TARS3: variants seen among roughly 807,000 people sequenced by gnomAD.
TARS3 encodes the protein threonine--tRNA ligase 2, cytoplasmic.
In TARS3, 94 loss-of-function variants were observed where a neutral mutation model predicts 103.5. That is an observed-to-expected ratio of 0.91 (90% CI 0.77 to 1.08). TARS3 has a LOEUF of 1.08. Ranked by LOEUF, TARS3 falls within the 50% of genes least tolerant of loss-of-function variation. TARS3 has a pLI of 0.00. For synonymous variants in TARS3, 416 were observed against 355.4 expected (o/e 1.17, Z -1.92); for missense variants, 952 against 995.2 (o/e 0.96, Z 0.58).
chr15:101,680,252 CCA>C (rs1311324565), intron 12 of TARS3, among the ~76,000 whole-genome samples: 2 of 152,188 alleles, frequency 1.3e-5, no homozygotes, highest in African/African-American at 4.8e-5. Context: ...ATATAAAGGG[CCA>C]CAGTTTTTTC....
chr15:101,706,067 G>A (rs1472443824), intron 6 of TARS3, among the ~76,000 whole-genome samples: 5 of 152,130 alleles, frequency 3.3e-5, no homozygotes, highest in East Asian at 1.9e-4. Flanking sequence ...TGGTTCAAGC[G>A]ATTCTGCCTC....
At position 101,724,444 on chromosome 15, in the gene TARS3, G is replaced by C; in HGVS notation, c.-57C>G. 2 of 1,354,334 alleles carry C rather than the reference G, an allele frequency of 1.5e-6. No individual in the cohort carries two copies. The highest frequency in any genetic ancestry group is 9.4e-7 in the Non-Finnish European group (1 of 1,060,726). The allele number at this position is 1,354,334 out of a possible 1,614,324, so 83.9% of individuals were successfully genotyped here. ...GGGTGCCCGCGACTGCGGCGAGGGC[G>C]ACGCGGACACTCAGCGCACGGCAGA... On this transcript the variant is annotated 5_prime_UTR_variant, in exon 1 of 19. Coordinates refer to ENST00000335968, the MANE Select transcript of TARS3 (RefSeq NM_152334.3).
chr15:101,704,644 G>A lies in TARS3; in HGVS notation c.996-707C>T, dbSNP rs1247706014. Among the ~76,000 whole-genome samples the A allele has an allele frequency of 2.9e-5, 4 of 136,236 alleles. No homozygotes were observed. The East Asian group carries it at 6.3e-4, about 21-fold the overall frequency. 89.4% of individuals were successfully genotyped at this position (136,236 alleles called of 152,430 possible). A position where few individuals can be genotyped will look rare whatever the true frequency, so the allele number is the denominator to read the frequency against. On this transcript the variant is annotated intron_variant, in intron 7 of 18. Coordinates refer to ENST00000335968, the MANE Select transcript of TARS3 (RefSeq NM_152334.3). ...CACTCCAGCCCGGGCAACAGTGCAA[G>A]ACTCCATCTCAAAAAATTAAAAAAA...
chr15:101,663,676 A>C (rs1308881967), intron 15 of TARS3, among the ~76,000 whole-genome samples: 1 of 152,112 alleles, frequency 6.6e-6, no homozygotes, highest in Non-Finnish European at 1.5e-5. Context: ...TTGCATTTTT[A>C]CCTTCCATTA....
chr15:101,664,956 A>G (rs1567324133), intron 15 of TARS3, among the ~76,000 whole-genome samples: 1 of 152,262 alleles, frequency 6.6e-6, no homozygotes, highest in Non-Finnish European at 1.5e-5. Flanking sequence ...AACTACAATC[A>G]CAGAAAGTTT....
rs751025366 is a variant in TARS3 at position 101,723,107 on chromosome 15, C to T, written c.355G>A (p.Glu119Lys). 3.1e-6 allele frequency: 5 copies of T among 1,614,126 alleles called. No individual in the cohort carries two copies. Among genetic ancestry groups the T allele is most frequent in the Middle Eastern group, 1.6e-4 (1 of 6,062 alleles). ...DMKKKKMKES[E>K]ADSEVKHQPI... The stretch of plus-strand genomic sequence containing the variant: ...CAACAACTTACCTCGCTGTCAGCCT[C>T]GCTTTCCTTCATTTTCTTCTTTTTC... The change falls in exon 2 of 19, where the codon GAG (glutamate) becomes AAG (lysine). Residue 119 changes from glutamate to lysine, a missense_variant. Physicochemically the swap from Glu to Lys is moderately conservative, Grantham distance 56 (BLOSUM62 1). Around this residue, in one of 2 missense-constraint regions of TARS3, gnomAD observed 412 missense variants for 364.2 expected, o/e 1.13. Transcript: ENST00000335968.
At chr15:101,685,192 T>C (rs908870329) in intron 11 of TARS3, among the ~76,000 whole-genome samples, 8 of 152,332 alleles carry the variant, frequency 5.3e-5, no homozygotes, top group African/African-American at 1.7e-4. Flanking sequence ...AAACTATGTA[T>C]GTTGATAATA....
intron 12 of TARS3, among the ~76,000 whole-genome samples, chr15:101,683,360 T>C (rs1166958498): frequency 6.6e-6 from 1 of 152,236 alleles, no homozygotes; most frequent in Non-Finnish European, 1.5e-5. Context: ...TTTAATTCTA[T>C]TGTGGTCAGT....
intron 10 of TARS3, among the ~76,000 whole-genome samples, chr15:101,688,904 A>G (rs566442837): frequency 2.2e-4 from 33 of 152,266 alleles, no homozygotes; most frequent in Admixed American, 7.8e-4. Flanking sequence ...TTCCACTGAA[A>G]ATTTCAATGC....
chr15:101,691,603 T>G, intron 10 of TARS3, among the ~76,000 whole-genome samples: 1 of 152,204 alleles, frequency 6.6e-6, no homozygotes, highest in East Asian at 1.9e-4. Flanking sequence ...TCAATAAATT[T>G]TATTTCACAT....
intron 10 of TARS3, among the ~76,000 whole-genome samples, chr15:101,699,685 C>T (rs1461932031): frequency 6.6e-6 from 1 of 152,150 alleles, no homozygotes; most frequent in Non-Finnish European, 1.5e-5. Flanking sequence ...TCGCATTGGC[C>T]AGTCCCTACT....
At chr15:101,671,412 T>A in intron 15 of TARS3, 74 bp downstream of exon 15, 1 of 1,090,354 alleles carries the variant, frequency 9.2e-7, no homozygotes, top group Non-Finnish European at 1.4e-6. Flanking sequence ...ATGTTTATTT[T>A]TGCATTGCTA....
chr15:101,654,157 C>T lies in TARS3; in HGVS notation c.*425G>A, dbSNP rs1039386914. On this transcript the variant is annotated 3_prime_UTR_variant, in exon 19 of 19. Coordinates refer to ENST00000335968, the MANE Select transcript of TARS3 (RefSeq NM_152334.3). The stretch of plus-strand genomic sequence containing the variant: ...GATTCCAGTTTAGAAGATAAAGTTT[C>T]AGTGTGAATTTTAGTAGAAGTCATA... 7.0e-5 allele frequency: 11 copies of T among 156,192 alleles called. No homozygotes were observed. The highest frequency in any genetic ancestry group is 2.6e-4 in the African/African-American group (11 of 41,602). The allele number at this position is 156,192 out of a possible 1,614,324, so 9.7% of individuals were successfully genotyped here.
chr15:101,657,979 A>T (rs1422638891), intron 16 of TARS3, 122 bp from the exon 17 acceptor site: 4 of 588,926 alleles, frequency 6.8e-6, no homozygotes, highest in Non-Finnish European at 1.1e-5. Flanking sequence ...GTAGCGCAGC[A>T]TGGAAGAAAA....
At position 101,708,923 on chromosome 15, in the gene TARS3, G is replaced by A; in HGVS notation, c.813-13C>T. The stretch of plus-strand genomic sequence containing the variant: ...GCTGGACACTGCTCTAAAAAGAAGA[G>A]CAGAGAACCGACATCCATCTTCCAG... On this transcript the variant is annotated splice_polypyrimidine_tract_variant and intron_variant, in intron 5 of 18. Transcript: ENST00000335968. 6.7e-7 allele frequency: 1 copy of A among 1,498,724 alleles called. No homozygotes were observed. Among genetic ancestry groups the A allele is most frequent in the Non-Finnish European group, 9.0e-7 (1 of 1,106,464 alleles). The allele number at this position is 1,498,724 out of a possible 1,614,324, so 92.8% of individuals were successfully genotyped here.
intron 12 of TARS3, among the ~76,000 whole-genome samples, chr15:101,677,961 G>A (rs1467767659): frequency 6.6e-6 from 1 of 151,120 alleles, no homozygotes; most frequent in East Asian, 1.9e-4. Context: ...GCATATCATG[G>A]GACTTCTTTT....
chr15:101,722,694 C>T (rs1900544461), intron 2 of TARS3, among the ~76,000 whole-genome samples: 2 of 148,562 alleles, frequency 1.3e-5, no homozygotes, highest in Admixed American at 1.3e-4. Context: ...TGGCATGCAC[C>T]TGTAGTCCCA....
intron 12 of TARS3, among the ~76,000 whole-genome samples, chr15:101,682,222 A>C (rs377298988): frequency 6.6e-6 from 1 of 152,196 alleles, no homozygotes. Context: ...AGAGTAAAGC[A>C]TTCAGACTCT....
chr15:101,682,945 CTTTTT>C (rs1898313080), intron 12 of TARS3, among the ~76,000 whole-genome samples: 1 of 152,158 alleles, frequency 6.6e-6, no homozygotes, highest in Admixed American at 6.5e-5. Context: ...ACTGCCTTAT[CTTTTT>C]AACAGCTACA....
Sources: allele counts gnomAD v4.1 joint callset (sites outside exome capture counted in the v4.1 genomes callset), GRCh38; gene constraint gnomAD v4.1.1; regional missense constraint gnomAD v4.1.1; transcripts MANE v1.5; gene names NCBI Gene and HGNC (gene_info 2026-07-23, HGNC 2026-07-21).